The following HPSE2 variants were observed in gnomAD, a reference collection of about 807,000 sequenced individuals.
The protein encoded by HPSE2 is inactive heparanase-2.
HPSE2 carries 38 observed loss-of-function variants against 60.5 expected under a neutral mutation model. That is an observed-to-expected ratio of 0.63 (90% CI 0.48 to 0.82). HPSE2 has a LOEUF of 0.82. Among genes scored for constraint, HPSE2 ranks in the 40% least tolerant of loss-of-function variants. The pLI is 0.00. For synonymous variants in HPSE2, 295 were observed against 293.2 expected, an observed-to-expected ratio of 1.01 and a Z score of -0.06; for missense variants, 713 against 740.4, an observed-to-expected ratio of 0.96 and a Z score of 0.43.
rs1554912352 is a variant in HPSE2, at chr10:99,184,863, G to GAC, written c.449-40466_449-40465dup. 1.3e-3 allele frequency among the ~76,000 whole-genome samples: 138 copies of GAC among 106,456 alleles called. 3 individuals are homozygous for GAC. The East Asian group carries it at 0.017, about 13-fold the overall frequency. The allele number at this position is 106,456 out of a possible 152,430, so 69.8% of individuals were successfully genotyped here. ...AGAGAGAGAGAGAGAGAGAGAGAGA[G>GAC]ACAGAAACACTGAAAAAATGATGTA... On this transcript the variant is annotated intron_variant, in intron 2 of 11. Coordinates refer to ENST00000370552, the MANE Select transcript of HPSE2 (RefSeq NM_021828.5).
chr10:98,479,790 C>T (rs565342895), intron 11 of HPSE2, among the ~76,000 whole-genome samples: 2 of 152,240 alleles, frequency 1.3e-5, no homozygotes, highest in African/African-American at 2.4e-5. Context: ...TATGTAAAAT[C>T]GTTATGTGTG....
intron 3 of HPSE2, among the ~76,000 whole-genome samples, chr10:99,048,886 T>A (rs1346556255): frequency 6.6e-6 from 1 of 152,218 alleles, no homozygotes; most frequent in African/African-American, 2.4e-5. Context: ...CACCATGGCA[T>A]ATTATGCAGC....
At chr10:98,624,917 A>G (rs1946167352) in intron 7 of HPSE2, among the ~76,000 whole-genome samples, 1 of 152,218 alleles carries the variant, frequency 6.6e-6, no homozygotes, top group Admixed American at 6.5e-5. Flanking sequence ...AACTAGTGCC[A>G]ATTATTCTTA....
chr10:98,592,685 T>C (rs1945123204), intron 9 of HPSE2, among the ~76,000 whole-genome samples: 1 of 152,238 alleles, frequency 6.6e-6, no homozygotes, highest in Non-Finnish European at 1.5e-5. Context: ...CACATGCTTA[T>C]GATTAATTTA....
chr10:99,227,458 T>C (rs1246961861), intron 2 of HPSE2, among the ~76,000 whole-genome samples: 1 of 151,996 alleles, frequency 6.6e-6, no homozygotes, highest in Non-Finnish European at 1.5e-5. Flanking sequence ...AAAGTTAATT[T>C]AACACATAGC....
intron 3 of HPSE2, among the ~76,000 whole-genome samples, chr10:98,793,533 G>C (rs552666278): frequency 3.9e-4 from 60 of 152,344 alleles, no homozygotes; most frequent in African/African-American, 1.3e-3. Flanking sequence ...ACAAGGTCTG[G>C]CTATATGGAC....
At position 98,814,275 on chromosome 10, in the gene HPSE2, T is replaced by C. The variant is rs1039976433; in HGVS notation, c.611-70219A>G. Among the ~76,000 whole-genome samples, 6 of 152,298 alleles carry C rather than the reference T, an allele frequency of 3.9e-5. No homozygotes were observed. The East Asian group carries it at 9.6e-4, about 24-fold the overall frequency. On this transcript the variant is annotated intron_variant, in intron 3 of 11. Transcript: ENST00000370552. ...TATTTGTGACTAATATATTGAAATA[T>C]AATAGATTTTTGTGTATTGACTTTA...
chr10:99,219,358 A>T (rs1439611381), intron 2 of HPSE2, among the ~76,000 whole-genome samples: 1 of 152,148 alleles, frequency 6.6e-6, no homozygotes, highest in African/African-American at 2.4e-5. Context: ...CAGCCTCTTC[A>T]GGAGTCTGTC....
intron 9 of HPSE2, among the ~76,000 whole-genome samples, chr10:98,510,477 T>G (rs1193419085): frequency 6.6e-6 from 1 of 152,048 alleles, no homozygotes; most frequent in African/African-American, 2.4e-5. Context: ...ACCAGTAGAG[T>G]GTGCACTGCT....
intron 3 of HPSE2, among the ~76,000 whole-genome samples, chr10:98,817,143 G>T (rs1951310369): frequency 6.6e-6 from 1 of 152,060 alleles, no homozygotes; most frequent in Admixed American, 6.6e-5. Flanking sequence ...AAGGCTTTTA[G>T]CCTGTGTGGA....
intron 4 of HPSE2, among the ~76,000 whole-genome samples, chr10:98,730,714 G>T (rs1475185136): frequency 1.3e-5 from 2 of 151,986 alleles, no homozygotes; most frequent in Non-Finnish European, 2.9e-5. Context: ...AAATAAAATG[G>T]TAAATTTTTT....
intron 3 of HPSE2, among the ~76,000 whole-genome samples, chr10:99,100,865 AC>A (rs1175990749): frequency 6.6e-6 from 1 of 152,220 alleles, no homozygotes; most frequent in African/African-American, 2.4e-5. Context: ...AGAATTTTCA[AC>A]CCAGAATTTC....
chr10:99,185,618 C>CA (rs1163591873), intron 2 of HPSE2, among the ~76,000 whole-genome samples: 5 of 151,268 alleles, frequency 3.3e-5, no homozygotes, highest in Admixed American at 1.3e-4. Context: ...ACTAAAAATA[C>CA]AAAAAATTAG....
chr10:98,903,845 A>G (rs1022921529), intron 3 of HPSE2, among the ~76,000 whole-genome samples: 2 of 152,160 alleles, frequency 1.3e-5, no homozygotes, highest in Non-Finnish European at 2.9e-5. Flanking sequence ...TAATATATCA[A>G]TTAAGATGTA....
intron 6 of HPSE2, among the ~76,000 whole-genome samples, chr10:98,669,337 G>T (rs1025648591): frequency 1.3e-5 from 2 of 152,210 alleles, no homozygotes; most frequent in Non-Finnish European, 2.9e-5. Context: ...ATTTCTCAAG[G>T]AACTTAAAAC....
At chr10:99,098,276 G>A (rs1843792455) in intron 3 of HPSE2, among the ~76,000 whole-genome samples, 1 of 152,176 alleles carries the variant, frequency 6.6e-6, no homozygotes, top group African/African-American at 2.4e-5. Flanking sequence ...ACTGTATTAT[G>A]TATTAAAAGT....
At chr10:99,016,618 G>A (rs1004105814) in intron 3 of HPSE2, among the ~76,000 whole-genome samples, 5 of 152,144 alleles carry the variant, frequency 3.3e-5, no homozygotes, top group African/African-American at 4.8e-5. Context: ...AATTGCTTTC[G>A]GCAATATGGC....
At chr10:98,831,612 A>G (rs1951685211) in intron 3 of HPSE2, among the ~76,000 whole-genome samples, 1 of 152,212 alleles carries the variant, frequency 6.6e-6, no homozygotes. Context: ...TCTCCAACAG[A>G]TAAGAGAGAC....
intron 3 of HPSE2, among the ~76,000 whole-genome samples, chr10:98,861,418 A>T (rs1469956957): frequency 6.6e-6 from 1 of 152,216 alleles, no homozygotes; most frequent in African/African-American, 2.4e-5. Flanking sequence ...TAATTGAAGC[A>T]GTAGAGGGTA....
Sources: gnomAD v4.1 joint callset for allele counts (sites outside exome capture counted in the v4.1 genomes callset) on GRCh38, gnomAD v4.1.1 for gene constraint, MANE v1.5 for transcripts, NCBI Gene and HGNC (gene_info 2026-07-23, HGNC 2026-07-21) for gene names.